Variants in PAQR4 observed in about 807,000 individuals in gnomAD.
PAQR4 encodes progestin and adipoQ receptor family member IV.
Under a neutral mutation model 20.9 loss-of-function variants are expected in PAQR4, and 26 were observed. That is an observed-to-expected ratio of 1.24 (90% CI 0.91 to 1.73). The LOEUF (loss-of-function observed/expected upper bound fraction) is 1.73, where lower values mean the gene tolerates loss of function less well. PAQR4 is among the 40% of genes most tolerant of loss of function. The pLI, the probability that PAQR4 is intolerant of heterozygous loss-of-function variation, is 0.00. For synonymous variants in PAQR4, 193 were observed against 171.6 expected, an observed-to-expected ratio of 1.12 and a Z score of -0.97; for missense variants, 400 against 380.1, an observed-to-expected ratio of 1.05 and a Z score of -0.44.
chr16:2,971,076 C>T, intron 1 of PAQR4, 81 bp from the exon 2 acceptor site: 1 of 1,392,060 alleles, frequency 7.2e-7, no homozygotes, highest in African/African-American at 1.4e-5. Flanking sequence ...CTGTCTTGCC[C>T]TGTCCTGTGT....
Position 2,971,885 on chromosome 16 carries a change from G to T in PAQR4, c.759G>T (p.Gln253His), listed in dbSNP as rs528815870. 117 of 1,609,912 alleles carry T rather than the reference G, an allele frequency of 7.3e-5. No homozygotes were observed. Among genetic ancestry groups the T allele is most frequent in the Admixed American group, 6.3e-4 (38 of 59,998 alleles). ...TGCTGAGCGTGGGCTCCATCCTGCA[G>T]CTGCACGCCGGCGTCGTGCCCGACC... Reference protein sequence around the residue: ...MHLLSVGSILQLHAGVVPDLL... With the variant: ...MHLLSVGSILHLHAGVVPDLL... Residue 253 changes from glutamine (Q) to histidine (H), a missense_variant, in exon 3 of 3, where the codon CAG becomes CAT. Gln to His is a conservative substitution (Grantham distance 24, BLOSUM62 0). Transcript: ENST00000318782.
rs2071918404 is a variant in PAQR4 at position 2,969,443 on chromosome 16, G to C, written c.-232G>C. ...CCGACCGCAGTGCGCTCAGGCGTCC[G>C]GTGCGTCCCCAGCCTCCGCCCCGGC... is the stretch of plus-strand genomic sequence containing the variant. On this transcript the variant is annotated 5_prime_UTR_variant, in exon 1 of 3. Transcript: ENST00000318782. 1 of 252,618 alleles carries C rather than the reference G, an allele frequency of 4.0e-6. No individual in the cohort carries two copies. The highest frequency in any genetic ancestry group is 7.3e-6 in the Non-Finnish European group (1 of 137,766). The allele number at this position is 252,618 out of a possible 1,614,324, so 15.6% of individuals were successfully genotyped here.
chr16:2,972,595 C>T lies in PAQR4; in HGVS notation c.*647C>T, dbSNP rs2072025795. ...GGACCCCTGGGCCGTGCCTGCCCTC[C>T]ACCTTGAGTGCCATACTCCCAACAG... is the stretch of plus-strand genomic sequence containing the variant. On this transcript the variant is annotated 3_prime_UTR_variant, in exon 3 of 3. Transcript: ENST00000318782. The T allele has an allele frequency of 6.5e-7, 1 of 1,528,856 alleles. No homozygotes were observed. Among genetic ancestry groups the T allele is most frequent in the Non-Finnish European group, 8.8e-7 (1 of 1,142,456 alleles). The allele number at this position is 1,528,856 out of a possible 1,614,324, so 94.7% of individuals were successfully genotyped here.
chr16:2,973,231 C>G lies in PAQR4; in HGVS notation c.*1283C>G. ...GAGTGAAGGCCTGCAGGAGGGCAGG[C>G]GAGACAAGGAGGGTGTCCAGGGCTA... On this transcript the variant is annotated 3_prime_UTR_variant, in exon 3 of 3. Transcript: ENST00000318782. 1.3e-6 allele frequency: 2 copies of G among 1,485,860 alleles called. No homozygotes were observed. Among genetic ancestry groups the G allele is most frequent in the South Asian group, 2.8e-5 (2 of 72,598 alleles). 92.0% of individuals were successfully genotyped at this position (1,485,860 alleles called of 1,614,324 possible). A position where few individuals can be genotyped will look rare whatever the true frequency, so the allele number is the denominator to read the frequency against.
rs2072073664 is a variant in PAQR4 at position 2,973,474 on chromosome 16, A to G, written c.*1526A>G. 1 of 1,494,712 alleles carries G rather than the reference A, an allele frequency of 6.7e-7. No homozygotes were observed. The highest frequency in any genetic ancestry group is 2.6e-5 in the East Asian group (1 of 38,604). 92.6% of individuals were successfully genotyped at this position (1,494,712 alleles called of 1,614,324 possible). The stretch of plus-strand genomic sequence containing the variant: ...GGAGGCAGATTTGAAATAAACTTTT[A>G]GTAAATGTAAGCCTTTCTGGAACTT... On this transcript the variant is annotated 3_prime_UTR_variant, in exon 3 of 3. Coordinates refer to ENST00000318782, the MANE Select transcript of PAQR4 (RefSeq NM_152341.5).
At position 2,973,417 on chromosome 16, in the gene PAQR4, C is replaced by G. The variant is rs1259876207; in HGVS notation, c.*1469C>G. On this transcript the variant is annotated 3_prime_UTR_variant, in exon 3 of 3. Transcript: ENST00000318782. Reference sequence around the variant, plus strand: ...CCTTCCATCTGGCTGCACTCCAAGGCCCCCTCTGTCCTTTTCAGAACACAT... The same window carrying G: ...CCTTCCATCTGGCTGCACTCCAAGGGCCCCTCTGTCCTTTTCAGAACACAT... 6.5e-7 allele frequency: 1 copy of G among 1,533,538 alleles called. No homozygotes were observed. The highest frequency in any genetic ancestry group is 2.0e-5 in the Admixed American group (1 of 50,886). 95.0% of individuals were successfully genotyped at this position (1,533,538 alleles called of 1,614,324 possible). A position where few individuals can be genotyped will look rare whatever the true frequency, so the allele number is the denominator to read the frequency against.
In PAQR4 at chr16:2,972,408, C is replaced by G. The variant is rs1179317961; in HGVS notation, c.*460C>G. 6 of 566,418 alleles carry G rather than the reference C, an allele frequency of 1.1e-5. No individual in the cohort carries two copies. The highest frequency in any genetic ancestry group is 1.9e-5 in the Non-Finnish European group (6 of 322,648). The allele number at this position is 566,418 out of a possible 1,614,324, so 35.1% of individuals were successfully genotyped here. The stretch of plus-strand genomic sequence containing the variant: ...AGCCCTCCCAGCAGCCACAAGCTTG[C>G]CCGCCCTGGCTCCCTCTGCCCAGAG... On this transcript the variant is annotated 3_prime_UTR_variant, in exon 3 of 3. Coordinates refer to ENST00000318782, the MANE Select transcript of PAQR4 (RefSeq NM_152341.5).
rs1477556234 is a variant in PAQR4 at position 2,971,262 on chromosome 16, C to A, written c.272C>A (p.Ala91Glu). 1 of 1,612,992 alleles carries A rather than the reference C, an allele frequency of 6.2e-7. No homozygotes were observed. The highest frequency in any genetic ancestry group is 8.5e-7 in the Non-Finnish European group (1 of 1,180,010). ...GGCACACATTGCGTGGCCTGCCTTG[C>A]ACCCCCTGCAGGCTCCGTGCTCTAT... The part of the protein sequence containing the change: ...LGGTHCVACL[A>E]PPAGSVLYHL... Residue 91 changes from alanine (A) to glutamate (E), a missense_variant, in exon 2 of 3, where the codon GCA (alanine) becomes GAA (glutamate). Coordinates refer to ENST00000318782, the MANE Select transcript of PAQR4 (RefSeq NM_152341.5).
chr16:2,972,206 C>T lies in PAQR4; in HGVS notation c.*258C>T, dbSNP rs1241452342. On this transcript the variant is annotated 3_prime_UTR_variant, in exon 3 of 3. Transcript: ENST00000318782. ...GGAAGGAAACCTTTCCCTCTTGGGACCTCTTTACCCTCTGTGACCTGTGGG... is the reference window on the plus strand; with the variant it reads ...GGAAGGAAACCTTTCCCTCTTGGGATCTCTTTACCCTCTGTGACCTGTGGG... The T allele has an allele frequency of 9.0e-6, 5 of 556,606 alleles. No homozygotes were observed. The African/African-American group carries it at 9.4e-5, about 10-fold the overall frequency. 34.5% of individuals were successfully genotyped at this position (556,606 alleles called of 1,614,324 possible).
In PAQR4 at chr16:2,969,733, A is replaced by C. The variant is rs369719296; in HGVS notation, c.59A>C (p.Gln20Pro). The C allele has an allele frequency of 1.9e-6, 3 of 1,608,944 alleles. No homozygotes were observed. In the African/African-American group the frequency reaches 4.0e-5, roughly 22 times the overall value. The change falls in exon 1 of 3, where the codon CAG becomes CCG. Residue 20 changes from glutamine to proline, a missense_variant. Physicochemically the swap from Gln to Pro is moderately conservative, Grantham distance 76. Coordinates refer to ENST00000318782, the MANE Select transcript of PAQR4 (RefSeq NM_152341.5). Reference sequence around the variant, plus strand: ...TGGGCCAGCTCGCCGCCGCACCTGCAGTTCAATAAGTTCGTGCTGACCGGG... The same window carrying C: ...TGGGCCAGCTCGCCGCCGCACCTGCCGTTCAATAAGTTCGTGCTGACCGGG... ...LDWASSPPHL[Q>P]FNKFVLTGYR...
At position 2,972,965 on chromosome 16, in the gene PAQR4, T is replaced by A. The variant is rs1272422886; in HGVS notation, c.*1017T>A. ...CAGAGTCTGGGGCTCAGGTTGGGTC[T>A]AGGGTGTCCTCAAACAGGCTGAGGA... is the stretch of plus-strand genomic sequence containing the variant. On this transcript the variant is annotated 3_prime_UTR_variant, in exon 3 of 3. Transcript: ENST00000318782. 1.2e-6 allele frequency: 2 copies of A among 1,607,958 alleles called. No individual in the cohort carries two copies. Among genetic ancestry groups the A allele is most frequent in the Non-Finnish European group, 1.7e-6 (2 of 1,178,310 alleles).
rs897994838 is a variant in PAQR4, at chr16:2,971,739, T to G, written c.613T>G (p.Cys205Gly). 1.2e-6 allele frequency: 2 copies of G among 1,612,790 alleles called. No individual in the cohort carries two copies. The highest frequency in any genetic ancestry group is 2.7e-5 in the African/African-American group (2 of 75,052). ...TTCAGGGGCTCCAGGCTCCCTGCCC[T>G]GCTACCTGCGCATGGACGCACTGGC... ...LGSGAPGSLPCYLRMDALALL... is the reference protein window; with the variant it reads ...LGSGAPGSLPGYLRMDALALL... The change falls in exon 3 of 3, where the codon TGC becomes GGC. Residue 205 changes from cysteine to glycine, a missense_variant. Physicochemically the swap from Cys to Gly is radical, Grantham distance 159. Coordinates refer to ENST00000318782, the MANE Select transcript of PAQR4 (RefSeq NM_152341.5).
chr16:2,971,496 G>GT lies in PAQR4; in HGVS notation c.389-17dup, dbSNP rs1567378579. ...CCCTCACAATGACATGCCCTCTCCT[G>GT]TTCTCTCCTCTTGTGCAGGGGCCCT... On this transcript the variant is annotated intron_variant, in intron 2 of 2. Coordinates refer to ENST00000318782, the MANE Select transcript of PAQR4 (RefSeq NM_152341.5). 6.3e-7 allele frequency: 1 copy of GT among 1,578,524 alleles called. No individual in the cohort carries two copies.
intron 1 of PAQR4, 40 bp downstream of exon 1, chr16:2,969,880 C>T (rs1475295347): frequency 3.1e-6 from 5 of 1,603,732 alleles, no homozygotes; most frequent in East Asian, 4.6e-5. Context: ...CACCCCCGGC[C>T]GCCCTACCTG....
In PAQR4 at chr16:2,972,634, C is replaced by A. The variant is rs539492097; in HGVS notation, c.*686C>A. 7 of 1,535,592 alleles carry A rather than the reference C, an allele frequency of 4.6e-6. No homozygotes were observed. Among genetic ancestry groups the A allele is most frequent in the Non-Finnish European group, 5.2e-6 (6 of 1,146,778 alleles). ...TACTCCCAACAGCTCCAGGTACCCA[C>A]CGGGGGATGTGCCTGCTCAGGAAAC... On this transcript the variant is annotated 3_prime_UTR_variant, in exon 3 of 3. Transcript: ENST00000318782.
At chr16:2,969,918 G>A (rs2071935132) in intron 1 of PAQR4, 78 bp downstream of exon 1, 1 of 1,569,682 alleles carries the variant, frequency 6.4e-7, no homozygotes, top group African/African-American at 1.4e-5. Context: ...TGAGGCCGAG[G>A]AGGGCCCCAG....
chr16:2,969,514 G>A lies in PAQR4; in HGVS notation c.-161G>A. 3 of 680,242 alleles carry A rather than the reference G, an allele frequency of 4.4e-6. No homozygotes were observed. Among genetic ancestry groups the A allele is most frequent in the Non-Finnish European group, 6.1e-6 (3 of 492,046 alleles). 42.1% of individuals were successfully genotyped at this position (680,242 alleles called of 1,614,324 possible). On this transcript the variant is annotated 5_prime_UTR_variant, in exon 1 of 3. Coordinates refer to ENST00000318782, the MANE Select transcript of PAQR4 (RefSeq NM_152341.5). Reference sequence around the variant, plus strand: ...CGTGCGCAGCGCCGGAGGGGCGCGGGCTGGGACCCCCTAGCCAGCGCGTGC... The same window carrying A: ...CGTGCGCAGCGCCGGAGGGGCGCGGACTGGGACCCCCTAGCCAGCGCGTGC...
Position 2,969,646 on chromosome 16 carries a change from G to A in PAQR4, c.-29G>A. On this transcript the variant is annotated 5_prime_UTR_variant, in exon 1 of 3. Coordinates refer to ENST00000318782, the MANE Select transcript of PAQR4 (RefSeq NM_152341.5). ...TGAGGAGGAGGCTCGGGGACAGCAG[G>A]AGCACGGGCTGCCCGCGCGGTGCGG... is the stretch of plus-strand genomic sequence containing the variant. 2 of 1,489,562 alleles carry A rather than the reference G, an allele frequency of 1.3e-6. No individual in the cohort carries two copies. The highest frequency in any genetic ancestry group is 1.5e-5 in the African/African-American group (1 of 68,694). The allele number at this position is 1,489,562 out of a possible 1,614,324, so 92.3% of individuals were successfully genotyped here.
intron 1 of PAQR4, 111 bp from the exon 2 acceptor site, chr16:2,971,046 G>C (rs886087935): frequency 8.0e-6 from 9 of 1,122,294 alleles, no homozygotes; most frequent in Non-Finnish European, 1.0e-5. Flanking sequence ...CCGCCAACTG[G>C]ATGACAGCAT....
Sources: allele counts gnomAD v4.1 joint callset, GRCh38; gene constraint gnomAD v4.1.1; transcripts MANE v1.5; gene names NCBI Gene and HGNC (gene_info 2026-07-23, HGNC 2026-07-21).